The following IL1RAPL2 variants were observed in gnomAD, a reference collection of about 807,000 sequenced individuals.
IL1RAPL2 encodes X-linked interleukin-1 receptor accessory protein-like 2.
In IL1RAPL2, 3 loss-of-function variants were observed where a neutral mutation model predicts 44.1. That is an observed-to-expected ratio of 0.07 (90% CI 0.03 to 0.18). IL1RAPL2 has a LOEUF of 0.18. Among genes scored for constraint, IL1RAPL2 ranks in the 10% least tolerant of loss-of-function variants. IL1RAPL2 has a pLI of 1.00. For synonymous variants in IL1RAPL2, 181 were observed against 178.8 expected (o/e 1.01, Z -0.10); for missense variants, 391 against 496.4 (o/e 0.79, Z 2.02).
At chrX:105,198,230 G>GTA (rs782655950) in intron 3 of IL1RAPL2, among the ~76,000 whole-genome samples, 100 of 111,535 alleles carry the variant, frequency 9.0e-4, no homozygotes, top group African/African-American at 3.2e-3. Context: ...TGTCTTTATG[G>GTA]TATAATGATT....
intron 5 of IL1RAPL2, among the ~76,000 whole-genome samples, chrX:105,345,019 G>T (rs1309698989): frequency 9.0e-6 from 1 of 111,455 alleles, no homozygotes; most frequent in Non-Finnish European, 1.9e-5. Context: ...ATTGAACATT[G>T]CAAAATTGGA....
chrX:104,604,402 T>C (rs1308319598), intron 1 of IL1RAPL2, among the ~76,000 whole-genome samples: 1 of 110,707 alleles, frequency 9.0e-6, no homozygotes, highest in East Asian at 2.8e-4. Flanking sequence ...CATCAACTAA[T>C]GGTCAAAACA....
intron 2 of IL1RAPL2, among the ~76,000 whole-genome samples, chrX:104,920,520 C>T (rs1293725037): frequency 4.1e-5 from 1 of 24,346 alleles, no homozygotes; most frequent in Non-Finnish European, 7.9e-5. Flanking sequence ...AGTGTGTGGC[C>T]CCTCCCCTCC....
rs370734683 is a variant in IL1RAPL2 at position 104,909,603 on chromosome X, C to T, written c.82+250608C>T. On this transcript the variant is annotated intron_variant, in intron 2 of 10. Coordinates refer to ENST00000372582, the MANE Select transcript of IL1RAPL2 (RefSeq NM_017416.2). ...TGCAGGTCTGTTGGAGTCCCCTTGC[C>T]GTGTGAGGTGTCAGTGTGCTCCTGT... Among the ~76,000 whole-genome samples, 241 of 111,641 alleles carry T rather than the reference C, an allele frequency of 2.2e-3. 2 individuals carry two copies. Among genetic ancestry groups the T allele is most frequent in the Non-Finnish European group, 3.4e-3 (181 of 53,103 alleles).
intron 5 of IL1RAPL2, among the ~76,000 whole-genome samples, chrX:105,345,465 C>T (rs1325971897): frequency 9.0e-6 from 1 of 111,652 alleles, no homozygotes; most frequent in East Asian, 2.8e-4. Context: ...TGAAGCCCTC[C>T]TGCCCTTCTG....
intron 5 of IL1RAPL2, among the ~76,000 whole-genome samples, chrX:105,410,604 T>A (rs961418934): frequency 1.8e-5 from 2 of 111,022 alleles, no homozygotes; most frequent in African/African-American, 3.3e-5. Flanking sequence ...CAGGAGAGAA[T>A]TGGAAGAGAT....
chrX:104,799,507 A>G (rs1932871816), intron 2 of IL1RAPL2, among the ~76,000 whole-genome samples: 1 of 111,394 alleles, frequency 9.0e-6, no homozygotes, highest in South Asian at 3.8e-4. Context: ...TTCCCAGGTG[A>G]TGGTCCAGAG....
intron 2 of IL1RAPL2, among the ~76,000 whole-genome samples, chrX:104,659,281 T>C (rs1930341431): frequency 8.9e-6 from 1 of 111,900 alleles, no homozygotes; most frequent in Non-Finnish European, 1.9e-5. Context: ...AATAAATACC[T>C]GGGAGCAAAC....
chrX:104,748,085 G>A (rs889776901), intron 2 of IL1RAPL2, among the ~76,000 whole-genome samples: 2 of 111,264 alleles, frequency 1.8e-5, no homozygotes, highest in Non-Finnish European at 3.8e-5. Flanking sequence ...GTAACTGTGC[G>A]GTCATGTATA....
At chrX:105,196,727 A>G (rs1603002827) in intron 3 of IL1RAPL2, among the ~76,000 whole-genome samples, 2 of 110,546 alleles carry the variant, frequency 1.8e-5, no homozygotes, top group African/African-American at 6.6e-5. Flanking sequence ...TTCCCCCTCT[A>G]CCCCAGTGAT....
chrX:104,786,690 A>C (rs777688059), intron 2 of IL1RAPL2, among the ~76,000 whole-genome samples: 1 of 111,796 alleles, frequency 8.9e-6, no homozygotes, highest in South Asian at 3.8e-4. Context: ...CCACTATGCT[A>C]GGCATTTTGG....
chrX:104,638,785 T>C (rs1479154745), intron 1 of IL1RAPL2, among the ~76,000 whole-genome samples: 1 of 112,482 alleles, frequency 8.9e-6, no homozygotes, highest in Non-Finnish European at 1.9e-5. Context: ...TAACATATGG[T>C]CTATTCTGGA....
intron 2 of IL1RAPL2, among the ~76,000 whole-genome samples, chrX:104,931,768 T>C (rs1692938628): frequency 9.0e-6 from 1 of 110,973 alleles, no homozygotes; most frequent in Admixed American, 9.7e-5. Flanking sequence ...AGAACTTTAT[T>C]AAAATAATAT....
intron 1 of IL1RAPL2, among the ~76,000 whole-genome samples, chrX:104,650,302 C>T (rs1930128613): frequency 8.9e-6 from 1 of 111,870 alleles, no homozygotes; most frequent in African/African-American, 3.2e-5. Context: ...TGTACACTTT[C>T]TTCACACAGC....
At chrX:104,683,815 G>A (rs772476483) in intron 2 of IL1RAPL2, among the ~76,000 whole-genome samples, 26 of 112,256 alleles carry the variant, frequency 2.3e-4, no homozygotes, top group African/African-American at 8.1e-4. Context: ...AGGAATAGAA[G>A]AGTCTGGCTT....
At chrX:105,082,791 C>T (rs1238999570) in intron 2 of IL1RAPL2, among the ~76,000 whole-genome samples, 5 of 111,321 alleles carry the variant, frequency 4.5e-5, no homozygotes, top group East Asian at 5.7e-4. Context: ...AGACCCCATC[C>T]GAAGGTCACC....
intron 2 of IL1RAPL2, among the ~76,000 whole-genome samples, chrX:104,846,333 C>T (rs1438733246): frequency 9.1e-6 from 1 of 110,119 alleles, no homozygotes; most frequent in Non-Finnish European, 1.9e-5. Flanking sequence ...TCTCCTAATG[C>T]TATCCCTCCC....
intron 2 of IL1RAPL2, among the ~76,000 whole-genome samples, chrX:105,006,903 A>G (rs2030951927): frequency 9.0e-6 from 1 of 111,279 alleles, no homozygotes; most frequent in Non-Finnish European, 1.9e-5. Flanking sequence ...ACAATTATTA[A>G]ATTTCAATCT....
intron 2 of IL1RAPL2, among the ~76,000 whole-genome samples, chrX:105,074,776 C>T (rs1466275513): frequency 9.2e-6 from 1 of 108,309 alleles, no homozygotes. Flanking sequence ...AAGTTGGATT[C>T]CTAGGTATTT....
Sources: allele counts gnomAD v4.1 joint callset (sites outside exome capture counted in the v4.1 genomes callset), GRCh38; gene constraint gnomAD v4.1.1; transcripts MANE v1.5; gene names NCBI Gene and HGNC (gene_info 2026-07-23, HGNC 2026-07-21).